Variants in SDK1 observed in about 807,000 individuals in gnomAD.
SDK1 encodes protein sidekick-1.
In SDK1, 157 loss-of-function variants were observed where a neutral mutation model predicts 245.5. The observed-to-expected ratio is 0.64, with a 90% CI of 0.56 to 0.73. The LOEUF (loss-of-function observed/expected upper bound fraction) is 0.73. Ranked by LOEUF, SDK1 falls within the 30% of genes least tolerant of loss-of-function variation. SDK1 has a pLI of 0.00. For missense variants in SDK1, 3,583 were observed against 3,002.3 expected (o/e 1.19, Z -4.52); for synonymous variants, 1,647 against 1,278.5 (o/e 1.29, Z -6.15).
At chr7:3,634,270 C>A (rs1033793648) in intron 2 of SDK1, among the ~76,000 whole-genome samples, 1 of 152,048 alleles carries the variant, frequency 6.6e-6, no homozygotes, top group Admixed American at 6.6e-5. Flanking sequence ...ATGACTAGTC[C>A]CAGCAGTTGT....
intron 2 of SDK1, among the ~76,000 whole-genome samples, chr7:3,621,490 T>C (rs1781936809): frequency 6.6e-6 from 1 of 152,176 alleles, no homozygotes; most frequent in Non-Finnish European, 1.5e-5. Flanking sequence ...TAATAAGAAG[T>C]AGGCATGATG....
intron 19 of SDK1, among the ~76,000 whole-genome samples, chr7:4,058,168 A>C (rs1422589226): frequency 1.3e-5 from 2 of 152,204 alleles, no homozygotes; most frequent in African/African-American, 4.8e-5. Flanking sequence ...AAAACATTTC[A>C]ATACATGAAT....
intron 5 of SDK1, among the ~76,000 whole-genome samples, chr7:3,828,053 G>A (rs960921999): frequency 3.3e-5 from 5 of 152,066 alleles, no homozygotes; most frequent in South Asian, 2.1e-4. Context: ...CAAGGTGGGC[G>A]GATCACCTGA....
intron 5 of SDK1, among the ~76,000 whole-genome samples, chr7:3,938,486 C>A (rs1475987037): frequency 1.3e-5 from 2 of 151,924 alleles, no homozygotes; most frequent in Non-Finnish European, 2.9e-5. Context: ...ACTAAAAATA[C>A]AAAAACAAAA....
At chr7:3,470,889 T>C (rs572489947) in intron 1 of SDK1, among the ~76,000 whole-genome samples, 3 of 152,252 alleles carry the variant, frequency 2.0e-5, no homozygotes, top group African/African-American at 7.2e-5. Flanking sequence ...GCTTAAGGAG[T>C]TGGAGAATTC....
At chr7:3,841,122 C>G (rs965466210) in intron 5 of SDK1, among the ~76,000 whole-genome samples, 4 of 152,170 alleles carry the variant, frequency 2.6e-5, no homozygotes, top group African/African-American at 9.7e-5. Flanking sequence ...CAGTTTTACA[C>G]AGGAGTGAGC....
chr7:3,500,015 T>A (rs914766013), intron 1 of SDK1, among the ~76,000 whole-genome samples: 1 of 152,236 alleles, frequency 6.6e-6, no homozygotes, highest in East Asian at 1.9e-4. Flanking sequence ...AACAGGTGAT[T>A]AGGACAAGTA....
At chr7:3,910,331 C>T (rs1323125154) in intron 5 of SDK1, among the ~76,000 whole-genome samples, 1 of 152,188 alleles carries the variant, frequency 6.6e-6, no homozygotes, top group Non-Finnish European at 1.5e-5. Flanking sequence ...TTGTCAGGCA[C>T]ATTCTTCAAA....
At chr7:3,664,171 C>T (rs1783453316) in intron 4 of SDK1, among the ~76,000 whole-genome samples, 1 of 152,006 alleles carries the variant, frequency 6.6e-6, no homozygotes, top group Non-Finnish European at 1.5e-5. Context: ...TGGTGGAATG[C>T]TTGACAAAAA....
intron 4 of SDK1, among the ~76,000 whole-genome samples, chr7:3,708,777 C>T (rs946981437): frequency 6.6e-6 from 1 of 152,228 alleles, no homozygotes; most frequent in African/African-American, 2.4e-5. Context: ...GGCACATATC[C>T]AAACTCTATT....
chr7:3,302,106 A>AT (rs927360385), intron 1 of SDK1: 21 of 228,498 alleles, frequency 9.2e-5, no homozygotes, highest in Admixed American at 3.7e-4. Flanking sequence ...TTTGCGTTTT[A>AT]TTTTTTTTAT....
intron 4 of SDK1, among the ~76,000 whole-genome samples, chr7:3,670,082 A>G (rs1225344448): frequency 6.6e-6 from 1 of 152,120 alleles, no homozygotes; most frequent in Admixed American, 6.5e-5. Flanking sequence ...CTCTGCCACC[A>G]TTCCTGACCA....
At chr7:3,755,196 A>G (rs1393226924) in intron 4 of SDK1, among the ~76,000 whole-genome samples, 1 of 152,150 alleles carries the variant, frequency 6.6e-6, no homozygotes, top group African/African-American at 2.4e-5. Flanking sequence ...GGCCTGGGGA[A>G]GCCGGAAGTG....
chr7:3,668,919 C>G (rs1218997013), intron 4 of SDK1, among the ~76,000 whole-genome samples: 1 of 152,154 alleles, frequency 6.6e-6, no homozygotes, highest in African/African-American at 2.4e-5. Context: ...GGAGAAGGAG[C>G]CATAGACCTG....
intron 1 of SDK1, among the ~76,000 whole-genome samples, chr7:3,492,416 C>T (rs911419231): frequency 1.3e-5 from 2 of 152,230 alleles, no homozygotes; most frequent in East Asian, 3.8e-4. Flanking sequence ...ATGGCGTGAA[C>T]CGGCAAGGTG....
At chr7:3,539,533 A>G (rs1778993474) in intron 1 of SDK1, among the ~76,000 whole-genome samples, 1 of 152,204 alleles carries the variant, frequency 6.6e-6, no homozygotes, top group Admixed American at 6.5e-5. Flanking sequence ...TATCAGAGAG[A>G]TCCCTGCTGC....
intron 1 of SDK1, among the ~76,000 whole-genome samples, chr7:3,323,459 T>C (rs866464150): frequency 6.6e-6 from 1 of 152,232 alleles, no homozygotes; most frequent in Non-Finnish European, 1.5e-5. Context: ...GTAGAGGTTC[T>C]AAGGAAAAAT....
intron 1 of SDK1, among the ~76,000 whole-genome samples, chr7:3,596,530 C>G (rs57480717): frequency 2.0e-5 from 3 of 151,950 alleles, no homozygotes; most frequent in African/African-American, 7.3e-5. Context: ...TTTTGACAAA[C>G]GCATGGACTT....
At chr7:3,664,973 A>G (rs929774683) in intron 4 of SDK1, among the ~76,000 whole-genome samples, 2 of 152,234 alleles carry the variant, frequency 1.3e-5, no homozygotes, top group Non-Finnish European at 2.9e-5. Context: ...TATCCACAGC[A>G]GGATGATTCA....
Sources: gnomAD v4.1 joint callset for allele counts (sites outside exome capture counted in the v4.1 genomes callset) on GRCh38, gnomAD v4.1.1 for gene constraint, MANE v1.5 for transcripts, NCBI Gene and HGNC (gene_info 2026-07-23, HGNC 2026-07-21) for gene names.